Variants in CYB5R4 observed in about 807,000 individuals in gnomAD.
The protein encoded by CYB5R4 is cytochrome b5 reductase 4, also known as N-terminal cytochrome b5 and cytochrome b5 oxidoreductase domain-containing protein.
In CYB5R4, 55 loss-of-function variants were observed where a neutral mutation model predicts 70.2. That is an observed-to-expected ratio of 0.78 (90% confidence interval 0.63 to 0.98). The LOEUF is 0.98. Among genes scored for constraint, CYB5R4 ranks in the 50% least tolerant of loss-of-function variants. The pLI is 0.00. For missense variants in CYB5R4, 562 were observed against 612.6 expected, an observed-to-expected ratio of 0.92 and a Z score of 0.87; for synonymous variants, 197 against 199.5, an observed-to-expected ratio of 0.99 and a Z score of 0.11.
At chr6:83,864,478 T>A (rs551907512) in intron 2 of CYB5R4, 150 bp downstream of exon 2, 15 of 652,932 alleles carry the variant, frequency 2.3e-5, no homozygotes, top group African/African-American at 2.1e-4. Flanking sequence ...AATTCTGACT[T>A]TGGATAGTAT....
chr6:83,938,417 G>A (rs937791225), intron 12 of CYB5R4, among the ~76,000 whole-genome samples: 3 of 152,150 alleles, frequency 2.0e-5, no homozygotes, highest in Non-Finnish European at 2.9e-5. Flanking sequence ...CACTTAGAGA[G>A]TTGTACACTA....
At position 83,951,641 on chromosome 6, in the gene CYB5R4, T is replaced by C. The variant is rs187625687; in HGVS notation, c.1347-3657T>C. Among the ~76,000 whole-genome samples, 335 of 152,354 alleles carry C rather than the reference T, an allele frequency of 2.2e-3. 3 individuals carry two copies. The South Asian group carries it at 0.027, about 12-fold the overall frequency. ...ATCCTTTTTTATGGCTGCATAGTAT[T>C]CCCTGGTGTAATGTGCCACATTTTC... On this transcript the variant is annotated intron_variant, in intron 14 of 15. Transcript: ENST00000369681.
At chr6:83,887,164 C>A (rs1224904840) in intron 2 of CYB5R4, among the ~76,000 whole-genome samples, 1 of 152,002 alleles carries the variant, frequency 6.6e-6, no homozygotes, top group Non-Finnish European at 1.5e-5. Context: ...AAAATGATAT[C>A]CTTGAACTGA....
chr6:83,942,100 T>C (rs2099469860), intron 14 of CYB5R4, among the ~76,000 whole-genome samples: 1 of 152,174 alleles, frequency 6.6e-6, no homozygotes, highest in South Asian at 2.1e-4. Flanking sequence ...CCTATGTACA[T>C]GTTTGTTTTC....
At chr6:83,945,250 A>G (rs1588585096) in intron 14 of CYB5R4, among the ~76,000 whole-genome samples, 2 of 152,320 alleles carry the variant, frequency 1.3e-5, no homozygotes, top group Admixed American at 1.3e-4. Flanking sequence ...TCAAATTAGA[A>G]CTCAGGATTA....
At chr6:83,905,656 A>G (rs1197825802) in intron 3 of CYB5R4, among the ~76,000 whole-genome samples, 1 of 151,816 alleles carries the variant, frequency 6.6e-6, no homozygotes, top group Non-Finnish European at 1.5e-5. Flanking sequence ...AGGATGGCAT[A>G]TGCTGGCACC....
intron 10 of CYB5R4, among the ~76,000 whole-genome samples, chr6:83,928,617 C>CAT (rs2099467686): frequency 6.6e-6 from 1 of 151,948 alleles, no homozygotes; most frequent in Admixed American, 6.6e-5. Context: ...ATGTAAGTGG[C>CAT]ATATATAGGA....
At chr6:83,951,146 A>G (rs9344381) in intron 14 of CYB5R4, among the ~76,000 whole-genome samples, 29,613 of 152,138 alleles carry the variant, frequency 0.19, 6,186 homozygotes, top group African/African-American at 0.51. Context: ...ATGATTTTTA[A>G]TAACTGCATT....
At chr6:83,867,659 A>T (rs2129128075) in intron 2 of CYB5R4, among the ~76,000 whole-genome samples, 1 of 152,360 alleles carries the variant, frequency 6.6e-6, no homozygotes, top group East Asian at 1.9e-4. Context: ...TTCTAGCACG[A>T]TCCCAATGAA....
rs770612795 is a variant in CYB5R4, at chr6:83,917,991, C to T, written c.446-14C>T. ...TACTTTGTAGATGAACTATAGCTAT[C>T]TTTCTTTGTAAAGGCATGCTTCCCA... On this transcript the variant is annotated splice_polypyrimidine_tract_variant and intron_variant, in intron 5 of 15. Transcript: ENST00000369681. The T allele has an allele frequency of 2.6e-5, 41 of 1,605,380 alleles. 1 individual carries two copies. The East Asian group carries it at 8.9e-4, about 35-fold the overall frequency.
chr6:83,946,169 C>T (rs959149856), intron 14 of CYB5R4, among the ~76,000 whole-genome samples: 4 of 152,132 alleles, frequency 2.6e-5, no homozygotes, highest in Admixed American at 1.3e-4. Context: ...ATGCAAAAAT[C>T]CTCAATAAAA....
chr6:83,876,889 A>G (rs922344046), intron 2 of CYB5R4, among the ~76,000 whole-genome samples: 16 of 151,912 alleles, frequency 1.1e-4, no homozygotes, highest in Admixed American at 8.5e-4. Flanking sequence ...GCTGGAGTGC[A>G]GTGGCACGAT....
At chr6:83,947,954 CAG>C (rs1254730858) in intron 14 of CYB5R4, among the ~76,000 whole-genome samples, 1 of 152,172 alleles carries the variant, frequency 6.6e-6, no homozygotes, top group African/African-American at 2.4e-5. Flanking sequence ...TTGTGGAAGA[CAG>C]TGTGGTGATT....
chr6:83,885,859 T>C (rs931351003), intron 2 of CYB5R4, among the ~76,000 whole-genome samples: 2 of 152,190 alleles, frequency 1.3e-5, no homozygotes. Flanking sequence ...TAGAATACTC[T>C]GTGACCCACC....
rs538587456 is a variant in CYB5R4, at chr6:83,944,582, A to G, written c.1346+3981A>G. ...AATGACAGGATCAAATTCACACATA[A>G]CTATATTAACCTTAAATGTAAACGG... On this transcript the variant is annotated intron_variant, in intron 14 of 15. Transcript: ENST00000369681. Among the ~76,000 whole-genome samples the G allele has an allele frequency of 2.0e-5, 3 of 152,312 alleles. No homozygotes were observed. In the South Asian group the frequency reaches 6.2e-4, roughly 32 times the overall value.
chr6:83,897,029 T>G (rs1454669639), intron 3 of CYB5R4, among the ~76,000 whole-genome samples: 1 of 152,126 alleles, frequency 6.6e-6, no homozygotes, highest in Non-Finnish European at 1.5e-5. Context: ...AATTTATCAT[T>G]AGGTATATCT....
rs1371862680 is a variant in CYB5R4, at chr6:83,963,005, C to T, written c.*3127C>T. 1 of 152,190 alleles carries T rather than the reference C, an allele frequency of 6.6e-6. No homozygotes were observed. Among genetic ancestry groups the T allele is most frequent in the Admixed American group, 6.6e-5 (1 of 15,264 alleles). The allele number at this position is 152,190 out of a possible 1,614,324, so 9.4% of individuals were successfully genotyped here. ...TCTTTCTTGCCCTAGCAAGAGTTCACTGCTTTTAAGATCTCATGTGGTTAG... is the reference window on the plus strand; with the variant it reads ...TCTTTCTTGCCCTAGCAAGAGTTCATTGCTTTTAAGATCTCATGTGGTTAG... On this transcript the variant is annotated 3_prime_UTR_variant, in exon 16 of 16. Coordinates refer to ENST00000369681, the MANE Select transcript of CYB5R4 (RefSeq NM_016230.4).
intron 3 of CYB5R4, 56 bp downstream of exon 3, chr6:83,893,678 C>T: frequency 3.0e-6 from 3 of 1,011,536 alleles, no homozygotes; most frequent in South Asian, 1.4e-5. Flanking sequence ...TCAGATTTAT[C>T]AGTGTGACAT....
intron 3 of CYB5R4, among the ~76,000 whole-genome samples, chr6:83,907,685 G>C (rs2099464020): frequency 6.6e-6 from 1 of 152,006 alleles, no homozygotes; most frequent in Non-Finnish European, 1.5e-5. Context: ...GTTTTCAGGA[G>C]TTCTCATCAT....
Sources: allele counts gnomAD v4.1 joint callset (sites outside exome capture counted in the v4.1 genomes callset), GRCh38; gene constraint gnomAD v4.1.1; transcripts MANE v1.5; gene names NCBI Gene and HGNC (gene_info 2026-07-23, HGNC 2026-07-21).